ADAM2: variants seen among roughly 807,000 people sequenced by gnomAD.
ADAM2 encodes the protein disintegrin and metalloproteinase domain-containing protein 2.
In ADAM2, 101 loss-of-function variants were observed where a neutral mutation model predicts 99.3. That is an observed-to-expected ratio of 1.02 (90% confidence interval 0.87 to 1.20). ADAM2 has a LOEUF of 1.20. Ranked by LOEUF, ADAM2 falls within the 50% of genes most tolerant of loss-of-function variation. ADAM2 has a pLI of 0.00. For synonymous variants in ADAM2, 323 were observed against 287.6 expected (o/e 1.12, Z -1.25); for missense variants, 948 against 878.7 (o/e 1.08, Z -1.00).
chr8:39,752,727 G>A (rs779357848), intron 16 of ADAM2, among the ~76,000 whole-genome samples: 3 of 152,146 alleles, frequency 2.0e-5, no homozygotes, highest in Non-Finnish European at 4.4e-5. Context: ...AATTATGGCG[G>A]CAGGTTTTTC....
At chr8:39,802,431 C>G (rs1403766375) in intron 7 of ADAM2, among the ~76,000 whole-genome samples, 1 of 152,132 alleles carries the variant, frequency 6.6e-6, no homozygotes, top group East Asian at 1.9e-4. Context: ...CATCTTGGCC[C>G]CCCCACCTCA....
chr8:39,763,172 G>T (rs533443298), intron 14 of ADAM2, among the ~76,000 whole-genome samples: 6 of 151,972 alleles, frequency 3.9e-5, no homozygotes, highest in Non-Finnish European at 8.8e-5. Flanking sequence ...TTACCAGGTG[G>T]CTAGGGCTAC....
At chr8:39,825,238 A>C in intron 3 of ADAM2, among the ~76,000 whole-genome samples, 1 of 152,180 alleles carries the variant, frequency 6.6e-6, no homozygotes, top group East Asian at 1.9e-4. Flanking sequence ...CTTCCCACTG[A>C]GGTTTATCTT....
At chr8:39,837,587 A>G (rs528863993) in intron 1 of ADAM2, among the ~76,000 whole-genome samples, 92 of 151,916 alleles carry the variant, frequency 6.1e-4, no homozygotes, top group Non-Finnish European at 6.5e-4. Context: ...GGATTTCACC[A>G]TGTTGGCCGG....
intron 5 of ADAM2, 90 bp downstream of exon 5, chr8:39,821,496 T>C (rs1586154180): frequency 9.5e-7 from 1 of 1,054,380 alleles, no homozygotes; most frequent in South Asian, 1.6e-5. Flanking sequence ...CATGCCACAC[T>C]TTAGAACCAC....
intron 7 of ADAM2, among the ~76,000 whole-genome samples, chr8:39,799,733 A>T (rs78539722): frequency 1.3e-5 from 2 of 152,172 alleles, no homozygotes; most frequent in Non-Finnish European, 2.9e-5. Flanking sequence ...TTGGGTGCAT[A>T]TATATTCAGA....
rs764523327 is a variant in ADAM2 at position 39,749,366 on chromosome 8, C to T, written c.1960G>A (p.Gly654Arg). 12 of 1,613,342 alleles carry T rather than the reference C, an allele frequency of 7.4e-6. No homozygotes were observed. Among genetic ancestry groups the T allele is most frequent in the Non-Finnish European group, 1.0e-5 (12 of 1,179,558 alleles). ...CSVQSDLWPG[G>R]SIDSGNFPPV... Reference sequence around the variant, plus strand: ...GGAAAATTGCCACTGTCAATACTCCCACCAGGCCATAGATCTGATTGAACT... The same window carrying T: ...GGAAAATTGCCACTGTCAATACTCCTACCAGGCCATAGATCTGATTGAACT... The change falls in exon 18 of 21, where the codon GGG becomes AGG. Residue 654 changes from glycine to arginine, a missense_variant. Coordinates refer to ENST00000265708, the MANE Select transcript of ADAM2 (RefSeq NM_001464.5).
intron 10 of ADAM2, among the ~76,000 whole-genome samples, chr8:39,780,607 T>C (rs1242401055): frequency 6.6e-6 from 1 of 152,156 alleles, no homozygotes; most frequent in Non-Finnish European, 1.5e-5. Flanking sequence ...AATAATTTAT[T>C]TTGCCTATAT....
At chr8:39,762,387 G>A (rs531509826) in intron 14 of ADAM2, among the ~76,000 whole-genome samples, 2 of 152,244 alleles carry the variant, frequency 1.3e-5, no homozygotes, top group East Asian at 1.9e-4. Context: ...GCCATTGCTG[G>A]TAGACAAAAA....
chr8:39,756,744 A>G (rs1412657614), intron 15 of ADAM2, among the ~76,000 whole-genome samples: 1 of 152,256 alleles, frequency 6.6e-6, no homozygotes, highest in African/African-American at 2.4e-5. Flanking sequence ...GCCAGGAGTC[A>G]TCGAGGAAGG....
At chr8:39,822,434 A>G (rs1014087808) in intron 4 of ADAM2, among the ~76,000 whole-genome samples, 4 of 152,138 alleles carry the variant, frequency 2.6e-5, no homozygotes, top group African/African-American at 9.7e-5. Flanking sequence ...TCATGGAAGA[A>G]TCAAAAAGCT....
intron 14 of ADAM2, 63 bp from the exon 15 acceptor site, chr8:39,761,344 TA>T: frequency 4.3e-6 from 4 of 928,372 alleles, no homozygotes; most frequent in Non-Finnish European, 6.3e-6. Flanking sequence ...AAATAACAAA[TA>T]CACTTAAAAT....
At chr8:39,809,266 T>C (rs1009877076) in intron 7 of ADAM2, 144 bp downstream of exon 7, 1 of 540,502 alleles carries the variant, frequency 1.9e-6, no homozygotes, top group African/African-American at 2.0e-5. Flanking sequence ...CTCAATTTAC[T>C]ACTGATATTA....
At position 39,743,989 on chromosome 8, in the gene ADAM2, C is replaced by G. The variant is rs902070262; in HGVS notation, c.*106G>C. 1 of 151,912 alleles carries G rather than the reference C, an allele frequency of 6.6e-6. No individual in the cohort carries two copies. Among genetic ancestry groups the G allele is most frequent in the East Asian group, 1.9e-4 (1 of 5,196 alleles). 9.4% of individuals were successfully genotyped at this position (151,912 alleles called of 1,614,324 possible). A position where few individuals can be genotyped will look rare whatever the true frequency, so the allele number is the denominator to read the frequency against. On this transcript the variant is annotated 3_prime_UTR_variant, in exon 21 of 21. Transcript: ENST00000265708. ...AATCACAATATGCAGGTTTGAATCC[C>G]AGGAAACCAGGTAATGTACATTCTT...
chr8:39,812,594 C>G (rs562391082), intron 6 of ADAM2, among the ~76,000 whole-genome samples: 1 of 152,270 alleles, frequency 6.6e-6, no homozygotes, highest in South Asian at 2.1e-4. Context: ...ACCAATGGAA[C>G]AGATCAGAGC....
At chr8:39,801,385 C>A (rs980236683) in intron 7 of ADAM2, among the ~76,000 whole-genome samples, 4 of 152,116 alleles carry the variant, frequency 2.6e-5, no homozygotes, top group Non-Finnish European at 4.4e-5. Flanking sequence ...AAGATGGGTA[C>A]CTTCTCCTTC....
At chr8:39,837,098 T>A (rs1344038763) in intron 2 of ADAM2, 38 bp downstream of exon 2, 1 of 1,488,308 alleles carries the variant, frequency 6.7e-7, no homozygotes, top group African/African-American at 1.4e-5. Context: ...AATCTTTACA[T>A]CATTTTAAAT....
At position 39,769,411 on chromosome 8, in the gene ADAM2, C is replaced by T. The variant is rs771452813; in HGVS notation, c.1193G>A (p.Cys398Tyr). 1.2e-6 allele frequency: 2 copies of T among 1,613,772 alleles called. No individual in the cohort carries two copies. Among genetic ancestry groups the T allele is most frequent in the South Asian group, 1.1e-5 (1 of 91,050 alleles). The change falls in exon 12 of 21, where the codon TGT (cysteine) becomes TAT (tyrosine). Residue 398 changes from cysteine to tyrosine, a missense_variant. Physicochemically the swap from Cys to Tyr is radical, Grantham distance 194 (BLOSUM62 -2). Transcript: ENST00000265708. Reference sequence around the variant, plus strand: ...ACCAACCTGTTCAGTCCCACAGTCACACTCCTCTCCTGCTTCCAGCTTTGC... The same window carrying T: ...ACCAACCTGTTCAGTCCCACAGTCATACTCCTCTCCTGCTTCCAGCTTTGC... ...GNAKLEAGEE[C>Y]DCGTEQDCAL...
chr8:39,788,931 T>C (rs1038390742), intron 7 of ADAM2, among the ~76,000 whole-genome samples, 191 bp from the exon 8 acceptor site: 12 of 151,564 alleles, frequency 7.9e-5, no homozygotes, highest in African/African-American at 2.7e-4. Flanking sequence ...AAAATATGAA[T>C]TGGAATTTAT....
Sources: gnomAD v4.1 joint callset for allele counts (sites outside exome capture counted in the v4.1 genomes callset) on GRCh38, gnomAD v4.1.1 for gene constraint, MANE v1.5 for transcripts, NCBI Gene and HGNC (gene_info 2026-07-23, HGNC 2026-07-21) for gene names.